The following RASEF variants were observed in gnomAD, a reference collection of about 807,000 sequenced individuals.
RASEF encodes ras and EF-hand domain-containing protein.
RASEF carries 68 observed loss-of-function variants against 90.1 expected under a neutral mutation model. The observed-to-expected ratio is 0.75, with a 90% CI of 0.62 to 0.92. RASEF has a LOEUF of 0.92. Ranked by LOEUF, RASEF falls within the 40% of genes least tolerant of loss-of-function variation. The probability of loss-of-function intolerance (pLI) is 0.00; values close to 1 mark genes in which losing one functional copy is unlikely to be tolerated. For synonymous variants in RASEF, 331 were observed against 345.2 expected (o/e 0.96, Z 0.46); for missense variants, 949 against 937.2 (o/e 1.01, Z -0.16).
the RASEF span, among the ~76,000 whole-genome samples, chr9:83,152,281 G>A: frequency 1.3e-5 from 2 of 152,180 alleles, no homozygotes; most frequent in Non-Finnish European, 2.9e-5. Context: ...GGTCCAAATG[G>A]CTTCTTTTAG....
In RASEF at chr9:83,000,501, G is replaced by C. The variant is rs756332858; in HGVS notation, c.1507C>G (p.Gln503Glu). Residue 503 changes from glutamine (Q) to glutamate (E), a missense_variant, in exon 11 of 17, where the codon CAA (glutamine) becomes GAA (glutamate). Gln to Glu is a conservative substitution (Grantham distance 29, BLOSUM62 2). Coordinates refer to ENST00000376447, the MANE Select transcript of RASEF (RefSeq NM_152573.4). ...DVASVLDWKP[Q>E]GSVSEGSIVS... Reference sequence around the variant, plus strand: ...ATGCTGCCTTCACTAACAGACCCTTGGGGCTTCCAGTCTAAGACGGAAGCC... The same window carrying C: ...ATGCTGCCTTCACTAACAGACCCTTCGGGCTTCCAGTCTAAGACGGAAGCC... 6 of 1,613,712 alleles carry C rather than the reference G, an allele frequency of 3.7e-6. No homozygotes were observed. The African/African-American group carries it at 8.0e-5, about 22-fold the overall frequency.
the RASEF span, among the ~76,000 whole-genome samples, chr9:83,173,091 T>G: frequency 4.6e-5 from 7 of 152,142 alleles, no homozygotes; most frequent in Non-Finnish European, 8.8e-5. Flanking sequence ...CCTGTAAGGT[T>G]TCCACTGAGA....
intron 3 of RASEF, among the ~76,000 whole-genome samples, chr9:83,019,663 C>T (rs1217643091): frequency 3.9e-5 from 6 of 152,174 alleles, no homozygotes. Context: ...TAGCCAACAA[C>T]TGGAAATAAC....
At chr9:83,196,459 C>T in the RASEF span, among the ~76,000 whole-genome samples, 1 of 152,114 alleles carries the variant, frequency 6.6e-6, no homozygotes, top group Non-Finnish European at 1.5e-5. Flanking sequence ...TGACTCTCAT[C>T]CACAGCAGCC....
chr9:82,987,950 T>C (rs1290670768), intron 16 of RASEF, among the ~76,000 whole-genome samples: 1 of 152,178 alleles, frequency 6.6e-6, no homozygotes, highest in African/African-American at 2.4e-5. Flanking sequence ...CATGCAAGGC[T>C]TGATCTGCTG....
At chr9:83,026,409 C>G in intron 1 of RASEF, among the ~76,000 whole-genome samples, 1 of 152,104 alleles carries the variant, frequency 6.6e-6, no homozygotes, top group Non-Finnish European at 1.5e-5. Context: ...TTCCACATGA[C>G]TGGGAGGCCT....
the RASEF span, among the ~76,000 whole-genome samples, chr9:83,171,438 T>G: frequency 6.6e-6 from 1 of 151,892 alleles, no homozygotes; most frequent in Non-Finnish European, 1.5e-5. Flanking sequence ...AGAATGATGC[T>G]CACCTCACAA....
the RASEF span, among the ~76,000 whole-genome samples, chr9:83,175,875 G>A: frequency 0.015 from 2,278 of 152,182 alleles, 42 homozygotes; most frequent in African/African-American, 0.051. Context: ...CACCACACCC[G>A]GCCTATTTCA....
chr9:82,989,702 G>C (rs1156638506), intron 16 of RASEF, among the ~76,000 whole-genome samples: 1 of 152,086 alleles, frequency 6.6e-6, no homozygotes, highest in Admixed American at 6.5e-5. Context: ...AAAGATGATT[G>C]CTCTGAAATT....
At chr9:83,151,591 G>T in the RASEF span, among the ~76,000 whole-genome samples, 1 of 152,286 alleles carries the variant, frequency 6.6e-6, no homozygotes, top group Admixed American at 6.5e-5. Context: ...TCTCCATTTT[G>T]CAACTGGAAA....
At chr9:83,031,191 G>C (rs1415456879) in intron 1 of RASEF, among the ~76,000 whole-genome samples, 1 of 152,194 alleles carries the variant, frequency 6.6e-6, no homozygotes, top group Non-Finnish European at 1.5e-5. Context: ...TGGCATTATG[G>C]TTTCCTATTT....
chr9:83,191,412 T>C, the RASEF span, among the ~76,000 whole-genome samples: 3 of 152,224 alleles, frequency 2.0e-5, no homozygotes, highest in Non-Finnish European at 2.9e-5. Flanking sequence ...TTCCACTTCA[T>C]AGCTACCCCT....
chr9:83,047,229 A>G (rs1016056304), intron 1 of RASEF, among the ~76,000 whole-genome samples: 4 of 152,204 alleles, frequency 2.6e-5, no homozygotes, highest in Admixed American at 1.3e-4. Flanking sequence ...ACATTTAAGG[A>G]ACAAAGCTTG....
intron 12 of RASEF, among the ~76,000 whole-genome samples, chr9:82,999,450 A>G (rs1221584898): frequency 6.6e-6 from 1 of 152,160 alleles, no homozygotes; most frequent in Non-Finnish European, 1.5e-5. Flanking sequence ...AGTGCAGTGC[A>G]GGCTGGGATT....
chr9:83,062,457 G>C lies in RASEF; in HGVS notation c.411C>G (p.Asp137Glu). 6.2e-7 allele frequency: 1 copy of C among 1,612,920 alleles called. No individual in the cohort carries two copies. Among genetic ancestry groups the C allele is most frequent in the Non-Finnish European group, 8.5e-7 (1 of 1,179,658 alleles). The change falls in exon 1 of 17, where the codon GAC (aspartate) becomes GAG (glutamate). Residue 137 changes from aspartate (D) to glutamate (E), a missense_variant. Asp to Glu is a conservative substitution (Grantham distance 45, BLOSUM62 2). Transcript: ENST00000376447. ...CGCACCTGGGAATGAACTTGGCTTCGTCCCCAAGTCGCGCCTGGAAATCCT... is the reference window on the plus strand; with the variant it reads ...CGCACCTGGGAATGAACTTGGCTTCCTCCCCAAGTCGCGCCTGGAAATCCT... ...AWQDFQARLG[D>E]EAKFIPREEQ... is the part of the protein sequence containing the mutation.
the RASEF span, among the ~76,000 whole-genome samples, chr9:83,128,298 A>G: frequency 3.9e-5 from 6 of 151,994 alleles, no homozygotes; most frequent in Non-Finnish European, 1.5e-5. Context: ...TTCAAGCTGA[A>G]GACAGTCCTG....
At position 82,997,070 on chromosome 9, in the gene RASEF, T is replaced by C; in HGVS notation, c.1862A>G (p.Tyr621Cys). The change falls in exon 14 of 17, where the codon TAT (tyrosine) becomes TGT (cysteine). Residue 621 changes from tyrosine (Y) to cysteine (C), a missense_variant. Tyr to Cys is a radical substitution (Grantham distance 194). Transcript: ENST00000376447. The part of the protein sequence containing the change: ...FRKADGVLLL[Y>C]DVTCEKSFLN... ...AAAGCTTTTCTCACATGTAACATCA[T>C]ACAGCAGCAAAACACCATCTGCCTT... 1.2e-6 allele frequency: 2 copies of C among 1,613,752 alleles called. No homozygotes were observed. Among genetic ancestry groups the C allele is most frequent in the African/African-American group, 2.7e-5 (2 of 75,050 alleles).
chr9:83,192,690 G>A, the RASEF span, among the ~76,000 whole-genome samples: 2 of 148,458 alleles, frequency 1.3e-5, no homozygotes, highest in African/African-American at 5.0e-5. Flanking sequence ...ACCTGCACAG[G>A]TACCCCTGAA....
the RASEF span, among the ~76,000 whole-genome samples, chr9:83,204,744 T>C: frequency 2.4e-4 from 37 of 152,332 alleles, no homozygotes; most frequent in South Asian, 7.7e-3. Context: ...GCTGATTTGA[T>C]GATGCTGATA....
Sources: gnomAD v4.1 joint callset for allele counts (sites outside exome capture counted in the v4.1 genomes callset) on GRCh38, gnomAD v4.1.1 for gene constraint, MANE v1.5 for transcripts, NCBI Gene and HGNC (gene_info 2026-07-23, HGNC 2026-07-21) for gene names.